Variants in MAGI2 observed in about 807,000 individuals in gnomAD.
MAGI2 encodes membrane associated guanylate kinase, WW and PDZ domain containing 2, also known as membrane-associated guanylate kinase, WW and PDZ domain-containing protein 2.
MAGI2 carries 35 observed loss-of-function variants against 133.3 expected under a neutral mutation model. The observed-to-expected ratio is 0.26, with a 90% CI of 0.20 to 0.35. The LOEUF (loss-of-function observed/expected upper bound fraction) is 0.35, where lower values mean the gene tolerates loss of function less well. Ranked by LOEUF, MAGI2 falls within the 10% of genes least tolerant of loss-of-function variation. MAGI2 has a pLI of 1.00. For synonymous variants in MAGI2, 729 were observed against 710.6 expected (o/e 1.03, Z -0.41); for missense variants, 1,636 against 1,863.4 (o/e 0.88, Z 2.25).
At chr7:78,507,809 C>T (rs1041636585) in intron 4 of MAGI2, among the ~76,000 whole-genome samples, 4 of 152,132 alleles carry the variant, frequency 2.6e-5, no homozygotes, top group African/African-American at 9.7e-5. Context: ...AGCATACTAA[C>T]CATCAGGCAC....
intron 6 of MAGI2, among the ~76,000 whole-genome samples, chr7:78,409,289 T>C (rs1478552413): frequency 2.0e-5 from 3 of 152,050 alleles, no homozygotes; most frequent in African/African-American, 2.4e-5. Context: ...CTCAATACCT[T>C]TCTGTTGAAT....
intron 9 of MAGI2, among the ~76,000 whole-genome samples, chr7:78,305,285 C>A (rs12668317): frequency 0.21 from 31,754 of 152,018 alleles, 3,981 homozygotes; most frequent in East Asian, 0.27. Context: ...AATGAAACCT[C>A]GCTTGGTTGG....
At chr7:78,629,491 C>T (rs1808736201) in intron 2 of MAGI2, among the ~76,000 whole-genome samples, 1 of 152,160 alleles carries the variant, frequency 6.6e-6, no homozygotes, top group East Asian at 1.9e-4. Flanking sequence ...ATTTGCCTCC[C>T]TAACTACTAA....
At chr7:78,360,433 A>G (rs1792655379) in intron 7 of MAGI2, among the ~76,000 whole-genome samples, 3 of 152,224 alleles carry the variant, frequency 2.0e-5, no homozygotes. Context: ...TTTAGAACTT[A>G]ATCTCAGTCT....
At chr7:79,287,066 G>C (rs563455954) in intron 1 of MAGI2, among the ~76,000 whole-genome samples, 73 of 152,142 alleles carry the variant, frequency 4.8e-4, no homozygotes, top group South Asian at 3.3e-3. Context: ...AAATGGTGCA[G>C]GAGTTTCCTA....
chr7:78,787,544 T>C (rs2151359199), intron 2 of MAGI2, among the ~76,000 whole-genome samples: 1 of 152,290 alleles, frequency 6.6e-6, no homozygotes, highest in South Asian at 2.1e-4. Flanking sequence ...TATTTAAATT[T>C]CGAGTTTAGC....
At chr7:78,638,644 A>G (rs1809935819) in intron 2 of MAGI2, among the ~76,000 whole-genome samples, 1 of 152,072 alleles carries the variant, frequency 6.6e-6, no homozygotes, top group African/African-American at 2.4e-5. Context: ...AACTAACTCC[A>G]GGACAGATCA....
intron 18 of MAGI2, among the ~76,000 whole-genome samples, chr7:78,132,514 C>T (rs968923144): frequency 6.6e-5 from 10 of 152,250 alleles, no homozygotes; most frequent in Admixed American, 5.2e-4. Flanking sequence ...TACTCTTCTC[C>T]TTCTGCCACC....
chr7:78,305,997 T>C (rs1798217794), intron 9 of MAGI2, among the ~76,000 whole-genome samples: 2 of 152,160 alleles, frequency 1.3e-5, no homozygotes, highest in South Asian at 4.1e-4. Context: ...TTGTTCAAAT[T>C]AGGAAGGAAA....
chr7:78,352,929 C>T (rs1429355189), intron 7 of MAGI2: 2 of 152,214 alleles, frequency 1.3e-5, no homozygotes, highest in Non-Finnish European at 1.5e-5. Flanking sequence ...CAGACATGGC[C>T]GTGTGCACCA....
chr7:79,217,650 T>C (rs1296801938), intron 1 of MAGI2, among the ~76,000 whole-genome samples: 1 of 152,080 alleles, frequency 6.6e-6, no homozygotes, highest in Non-Finnish European at 1.5e-5. Flanking sequence ...GAATAGTTTC[T>C]GTGCTTTGGT....
chr7:79,317,316 G>A (rs1243571575), intron 1 of MAGI2, among the ~76,000 whole-genome samples: 1 of 151,934 alleles, frequency 6.6e-6, no homozygotes. Flanking sequence ...GAGCCTGCAC[G>A]CCCAGCCAAA....
chr7:78,201,268 T>A, intron 10 of MAGI2, 75 bp from the exon 11 acceptor site: 1 of 658,554 alleles, frequency 1.5e-6, no homozygotes, highest in Non-Finnish European at 2.5e-6. Flanking sequence ...GATATTAAGA[T>A]AATTGTAATT....
At chr7:78,390,171 G>A (rs117567421) in intron 6 of MAGI2, among the ~76,000 whole-genome samples, 1,902 of 152,180 alleles carry the variant, frequency 0.012, 35 homozygotes, top group Non-Finnish European at 0.016. Context: ...ATTTTTCTAA[G>A]AGTAATATAT....
intron 1 of MAGI2, among the ~76,000 whole-genome samples, chr7:79,445,086 T>C (rs968345615): frequency 6.6e-6 from 1 of 152,148 alleles, no homozygotes; most frequent in African/African-American, 2.4e-5. Context: ...ATTTAATAAA[T>C]GGTGCTGGGA....
At chr7:78,896,208 A>G (rs1460357142) in intron 2 of MAGI2, among the ~76,000 whole-genome samples, 1 of 152,142 alleles carries the variant, frequency 6.6e-6, no homozygotes, top group Non-Finnish European at 1.5e-5. Context: ...GAGCACCTTT[A>G]TTATATTTCA....
intron 14 of MAGI2, among the ~76,000 whole-genome samples, chr7:78,172,255 C>CGAT (rs1826188358): frequency 6.6e-6 from 1 of 152,172 alleles, no homozygotes; most frequent in Non-Finnish European, 1.5e-5. Flanking sequence ...CTGCACTGCC[C>CGAT]GATGTTAGCC....
chr7:79,332,345 T>C (rs532419529), intron 1 of MAGI2, among the ~76,000 whole-genome samples: 84 of 152,236 alleles, frequency 5.5e-4, no homozygotes, highest in Non-Finnish European at 1.1e-3. Context: ...CGTAAGCAAC[T>C]GCAATAATCC....
chr7:79,169,876 T>C lies in MAGI2; in HGVS notation c.302-162670A>G, dbSNP rs189672951. On this transcript the variant is annotated intron_variant, in intron 1 of 21. Coordinates refer to ENST00000354212, the MANE Select transcript of MAGI2 (RefSeq NM_012301.4). ...TTCTCTCTCTTTTTTTTTGTCTTTT[T>C]AACTTTTAAATTCCCACTTTCAGTG... is the stretch of plus-strand genomic sequence containing the variant. Among the ~76,000 whole-genome samples the C allele has an allele frequency of 9.2e-5, 14 of 152,118 alleles. No individual in the cohort carries two copies. In the East Asian group the frequency reaches 2.7e-3, roughly 30 times the overall value.
Sources: allele counts gnomAD v4.1 joint callset (sites outside exome capture counted in the v4.1 genomes callset), GRCh38; gene constraint gnomAD v4.1.1; transcripts MANE v1.5; gene names NCBI Gene and HGNC (gene_info 2026-07-23, HGNC 2026-07-21).